The following DACH2 variants were observed in gnomAD, a reference collection of about 807,000 sequenced individuals.
The protein encoded by DACH2 is dachshund family transcription factor 2, also known as dachshund homolog 2.
Under a neutral mutation model 35.8 loss-of-function variants are expected in DACH2, and 17 were observed. The ratio of observed to expected loss-of-function variants is 0.48; its 90% CI spans 0.33 to 0.71. DACH2 has a LOEUF of 0.71. Ranked by LOEUF, DACH2 falls within the 30% of genes least tolerant of loss-of-function variation. The pLI, the probability that DACH2 is intolerant of heterozygous loss-of-function variation, is 0.02. For synonymous variants in DACH2, 195 were observed against 177.3 expected (o/e 1.10, Z -0.79); for missense variants, 469 against 472.7 (o/e 0.99, Z 0.07).
At chrX:86,727,447 T>G (rs1331912484) in intron 6 of DACH2, among the ~76,000 whole-genome samples, 3 of 111,381 alleles carry the variant, frequency 2.7e-5, no homozygotes, top group Non-Finnish European at 5.6e-5. Flanking sequence ...ACTGTCATGT[T>G]TTTTTTTCTT....
chrX:86,300,127 G>A (rs992999801), intron 1 of DACH2, among the ~76,000 whole-genome samples: 2 of 110,809 alleles, frequency 1.8e-5, no homozygotes, highest in East Asian at 2.9e-4. Context: ...TAGAACATTA[G>A]GACTTATTCT....
At chrX:86,610,418 T>TTTCTTTCTTTTCTTTCTTTC (rs1491456126) in intron 3 of DACH2, among the ~76,000 whole-genome samples, 1 of 62,204 alleles carries the variant, frequency 1.6e-5, no homozygotes, top group African/African-American at 6.6e-5. Context: ...TCTTTCTTTC[T>TTTCTTTCTTTTCTTTCTTTC]TTTCTTTCTT....
rs753416720 is a variant in DACH2, at chrX:86,751,908, A to G, written c.1240+12026A>G. ...TACAACATGGAATATTACAGAAATAAAAAGAACAATATCATGTCCTTTTCA... is the reference window on the plus strand; with the variant it reads ...TACAACATGGAATATTACAGAAATAGAAAGAACAATATCATGTCCTTTTCA... On this transcript the variant is annotated intron_variant, in intron 7 of 11. Coordinates refer to ENST00000373125, the MANE Select transcript of DACH2 (RefSeq NM_053281.3). Among the ~76,000 whole-genome samples the G allele has an allele frequency of 3.6e-5, 4 of 112,071 alleles. No individual in the cohort carries two copies. In the East Asian group the frequency reaches 1.1e-3, roughly 32 times the overall value.
At chrX:86,825,126 A>T (rs1411415637) in intron 11 of DACH2, among the ~76,000 whole-genome samples, 1 of 112,050 alleles carries the variant, frequency 8.9e-6, no homozygotes, top group South Asian at 3.7e-4. Context: ...TTTAAGAAAC[A>T]TTTTGTGACC....
At chrX:86,442,809 G>A (rs1378870232) in intron 2 of DACH2, among the ~76,000 whole-genome samples, 1 of 110,150 alleles carries the variant, frequency 9.1e-6, no homozygotes, top group South Asian at 3.7e-4. Context: ...TGGAAGAGAC[G>A]GTCATTTCTC....
At chrX:86,650,886 C>A in intron 3 of DACH2, 150 bp from the exon 4 acceptor site, 1 of 439,063 alleles carries the variant, frequency 2.3e-6, no homozygotes, top group Middle Eastern at 6.9e-4. Context: ...AGAAATGATC[C>A]CCATTTTACA....
At chrX:86,629,292 G>A (rs984820031) in intron 3 of DACH2, among the ~76,000 whole-genome samples, 6 of 110,990 alleles carry the variant, frequency 5.4e-5, no homozygotes, top group African/African-American at 1.6e-4. Context: ...AGTCACAATG[G>A]TATTTGCTGG....
chrX:86,686,172 C>A, intron 4 of DACH2, among the ~76,000 whole-genome samples: 1 of 112,127 alleles, frequency 8.9e-6, no homozygotes, highest in South Asian at 3.7e-4. Context: ...ACAAATTTTT[C>A]TGTACTTGCC....
At position 86,346,645 on chromosome X, in the gene DACH2, A is replaced by G. The variant is rs760181851; in HGVS notation, c.489-30179A>G. On this transcript the variant is annotated intron_variant, in intron 1 of 11. Transcript: ENST00000373125. Reference sequence around the variant, plus strand: ...TTTTCTCGCTATATATTCAAAGTATAAGTTCATAAAGTTTTAATAGTGTTT... The same window carrying G: ...TTTTCTCGCTATATATTCAAAGTATGAGTTCATAAAGTTTTAATAGTGTTT... Among the ~76,000 whole-genome samples the G allele has an allele frequency of 2.3e-4, 26 of 111,801 alleles. No homozygotes were observed. The South Asian group carries it at 9.6e-3, about 41-fold the overall frequency.
intron 2 of DACH2, among the ~76,000 whole-genome samples, chrX:86,473,175 C>A (rs942015000): frequency 1.8e-4 from 20 of 110,902 alleles, no homozygotes; most frequent in Admixed American, 8.6e-4. Context: ...TAATTATATT[C>A]TTTAAGTTGT....
intron 6 of DACH2, among the ~76,000 whole-genome samples, chrX:86,724,776 G>A (rs904758622): frequency 5.4e-5 from 6 of 111,042 alleles, no homozygotes; most frequent in Non-Finnish European, 9.4e-5. Context: ...CCTCATATAG[G>A]TTTTCTCGAC....
chrX:86,631,674 A>G (rs925007649), intron 3 of DACH2, among the ~76,000 whole-genome samples: 1 of 112,174 alleles, frequency 8.9e-6, no homozygotes, highest in African/African-American at 3.2e-5. Context: ...AGATTTGATT[A>G]CTCATAGTTC....
chrX:86,161,796 G>T (rs1184823467), intron 1 of DACH2, among the ~76,000 whole-genome samples: 2 of 111,817 alleles, frequency 1.8e-5, no homozygotes, highest in Non-Finnish European at 3.8e-5. Flanking sequence ...CTTTTGCGTT[G>T]TTCCTTGTCA....
At chrX:86,757,221 C>T (rs933863297) in intron 7 of DACH2, among the ~76,000 whole-genome samples, 12 of 111,502 alleles carry the variant, frequency 1.1e-4, no homozygotes, top group Non-Finnish European at 1.7e-4. Context: ...AAACATTCTG[C>T]ACCCCTATGT....
chrX:86,262,118 A>T (rs2033637286), intron 1 of DACH2, among the ~76,000 whole-genome samples: 1 of 79,496 alleles, frequency 1.3e-5, no homozygotes, highest in Admixed American at 1.4e-4. Flanking sequence ...CCATCTCTAT[A>T]AAAGAAAAAA....
At chrX:86,617,452 T>A (rs1053181149) in intron 3 of DACH2, among the ~76,000 whole-genome samples, 1 of 111,559 alleles carries the variant, frequency 9.0e-6, no homozygotes, top group African/African-American at 3.3e-5. Flanking sequence ...CTGATTTATT[T>A]TAGCAGTGTT....
Position 86,583,094 on chromosome X carries a change from C to A in DACH2, c.641-67942C>A, listed in dbSNP as rs2039523232. Among the ~76,000 whole-genome samples, 3 of 111,273 alleles carry A rather than the reference C, an allele frequency of 2.7e-5. No individual in the cohort carries two copies. In the South Asian group the frequency reaches 1.1e-3, roughly 41 times the overall value. On this transcript the variant is annotated intron_variant, in intron 3 of 11. Coordinates refer to ENST00000373125, the MANE Select transcript of DACH2 (RefSeq NM_053281.3). ...TAATAAATGTGATTTATCACATAAG[C>A]AGAACTAAAAACAAAAAGTAAATCA...
At chrX:86,712,166 G>A (rs2041286215) in intron 5 of DACH2, among the ~76,000 whole-genome samples, 1 of 111,423 alleles carries the variant, frequency 9.0e-6, no homozygotes, top group African/African-American at 3.3e-5. Flanking sequence ...GCCTTATATA[G>A]AAACCTACTT....
At chrX:86,486,185 G>T (rs181909303) in intron 2 of DACH2, among the ~76,000 whole-genome samples, 65 of 110,917 alleles carry the variant, frequency 5.9e-4, no homozygotes, top group African/African-American at 2.1e-3. Flanking sequence ...TCATGATTTT[G>T]TCTGGAATGT....
Sources: gnomAD v4.1 joint callset for allele counts (sites outside exome capture counted in the v4.1 genomes callset) on GRCh38, gnomAD v4.1.1 for gene constraint, MANE v1.5 for transcripts, NCBI Gene and HGNC (gene_info 2026-07-23, HGNC 2026-07-21) for gene names.